TAFA1: variants seen among roughly 807,000 people sequenced by gnomAD.
TAFA1 encodes the protein chemokine-like protein TAFA-1.
TAFA1 carries 4 observed loss-of-function variants against 18.5 expected under a neutral mutation model. The ratio of observed to expected loss-of-function variants is 0.22; its 90% CI spans 0.11 to 0.49. The LOEUF (loss-of-function observed/expected upper bound fraction) is 0.49, where lower values mean the gene tolerates loss of function less well. TAFA1 is among the 20% of genes least tolerant of loss of function. TAFA1 has a pLI of 0.98. For missense variants in TAFA1, 147 were observed against 169.0 expected (o/e 0.87, Z 0.72); for synonymous variants, 56 against 55.2 (o/e 1.01, Z -0.06).
intron 2 of TAFA1, among the ~76,000 whole-genome samples, chr3:68,373,067 A>T (rs953151236): frequency 9.9e-5 from 15 of 152,212 alleles, no homozygotes; most frequent in Non-Finnish European, 1.6e-4. Flanking sequence ...CATCAGGAAG[A>T]CATAGATACT....
intron 2 of TAFA1, among the ~76,000 whole-genome samples, chr3:68,024,180 GT>G (rs1196175807): frequency 6.6e-6 from 1 of 151,960 alleles, no homozygotes; most frequent in Non-Finnish European, 1.5e-5. Context: ...GAACTGTATC[GT>G]TTCTAGTAAT....
At chr3:68,417,007 G>A (rs761639929) in intron 2 of TAFA1, among the ~76,000 whole-genome samples, 1 of 152,186 alleles carries the variant, frequency 6.6e-6, no homozygotes, top group Admixed American at 6.5e-5. Flanking sequence ...GTTAGTTGCA[G>A]GCATTCATTG....
At chr3:68,091,610 A>C (rs906044117) in intron 2 of TAFA1, among the ~76,000 whole-genome samples, 1 of 152,154 alleles carries the variant, frequency 6.6e-6, no homozygotes, top group Non-Finnish European at 1.5e-5. Context: ...TCAAGCAAGC[A>C]GATCAATGAA....
chr3:67,993,421 G>A, the TAFA1 span, among the ~76,000 whole-genome samples: 2 of 152,132 alleles, frequency 1.3e-5, no homozygotes, highest in African/African-American at 4.8e-5. Context: ...TCCCCAGTTG[G>A]CTTGTAAGTA....
chr3:68,110,024 T>C (rs1246174026), intron 2 of TAFA1, among the ~76,000 whole-genome samples: 1 of 152,212 alleles, frequency 6.6e-6, no homozygotes, highest in African/African-American at 2.4e-5. Flanking sequence ...TGTGCAGGTT[T>C]GCTACATAGG....
At chr3:68,411,545 A>G (rs1368782481) in intron 2 of TAFA1, among the ~76,000 whole-genome samples, 1 of 152,224 alleles carries the variant, frequency 6.6e-6, no homozygotes, top group Non-Finnish European at 1.5e-5. Context: ...TAATGTGTCA[A>G]TCAAATATTT....
At chr3:68,366,327 A>T (rs2069572739) in intron 2 of TAFA1, among the ~76,000 whole-genome samples, 1 of 152,160 alleles carries the variant, frequency 6.6e-6, no homozygotes, top group African/African-American at 2.4e-5. Flanking sequence ...CCAACAGAGA[A>T]TTGTCACAGG....
intron 2 of TAFA1, among the ~76,000 whole-genome samples, chr3:68,175,616 C>T (rs1450940441): frequency 6.6e-6 from 1 of 152,146 alleles, no homozygotes; most frequent in South Asian, 2.1e-4. Context: ...GTTGTATTTA[C>T]CCAACGCCTG....
chr3:68,483,301 A>ACATG (rs2072271615), intron 3 of TAFA1, among the ~76,000 whole-genome samples: 1 of 93,286 alleles, frequency 1.1e-5, no homozygotes, highest in Non-Finnish European at 2.3e-5. Context: ...TTGACCAAGT[A>ACATG]TGGTCTCTTT....
intron 2 of TAFA1, among the ~76,000 whole-genome samples, chr3:68,069,206 G>C (rs938857086): frequency 2.6e-5 from 4 of 152,252 alleles, no homozygotes; most frequent in Middle Eastern, 3.4e-3. Context: ...CCCGAGACTG[G>C]GTAATTTATA....
intron 3 of TAFA1, among the ~76,000 whole-genome samples, chr3:68,496,365 G>A (rs993969147): frequency 1.1e-4 from 17 of 152,250 alleles, no homozygotes; most frequent in Non-Finnish European, 2.1e-4. Flanking sequence ...AGACTAGGTC[G>A]TATGAAATCT....
chr3:68,286,663 T>C (rs1299050233), intron 2 of TAFA1, among the ~76,000 whole-genome samples: 2 of 152,178 alleles, frequency 1.3e-5, no homozygotes, highest in African/African-American at 4.8e-5. Flanking sequence ...GTACCTGCTA[T>C]GTAGGCACTG....
intron 2 of TAFA1, among the ~76,000 whole-genome samples, chr3:68,236,422 A>G (rs975766469): frequency 1.3e-5 from 2 of 152,242 alleles, no homozygotes; most frequent in African/African-American, 4.8e-5. Context: ...GCATTCTCAT[A>G]TAGGCCAAAA....
chr3:68,469,563 C>T (rs1194037887), intron 3 of TAFA1, among the ~76,000 whole-genome samples: 1 of 152,136 alleles, frequency 6.6e-6, no homozygotes, highest in Non-Finnish European at 1.5e-5. Context: ...GTCCCAGCTA[C>T]TCAGGAGGCT....
At chr3:68,228,350 C>T (rs1279048667) in intron 2 of TAFA1, among the ~76,000 whole-genome samples, 10 of 152,136 alleles carry the variant, frequency 6.6e-5, no homozygotes, top group Non-Finnish European at 1.5e-4. Context: ...AATTCCCGCT[C>T]AAGCTATCCT....
chr3:68,105,557 A>C (rs1316459319), intron 2 of TAFA1, among the ~76,000 whole-genome samples: 2 of 151,908 alleles, frequency 1.3e-5, no homozygotes, highest in Non-Finnish European at 2.9e-5. Flanking sequence ...AAACAACAAC[A>C]ACCATAGAAG....
intron 2 of TAFA1, among the ~76,000 whole-genome samples, chr3:68,304,085 AT>A (rs2068362054): frequency 6.6e-6 from 1 of 152,208 alleles, no homozygotes; most frequent in Non-Finnish European, 1.5e-5. Context: ...GAAATTGGAT[AT>A]TTAAATGTGG....
At chr3:68,490,090 C>T (rs1000954816) in intron 3 of TAFA1, among the ~76,000 whole-genome samples, 7 of 152,160 alleles carry the variant, frequency 4.6e-5, no homozygotes, top group African/African-American at 1.7e-4. Flanking sequence ...GTGAAAAATT[C>T]AAATTTTGGG....
intron 2 of TAFA1, among the ~76,000 whole-genome samples, chr3:68,020,507 T>G (rs1368841791): frequency 6.6e-6 from 1 of 151,792 alleles, no homozygotes; most frequent in African/African-American, 2.4e-5. Context: ...TGTTCTACAC[T>G]TGCCATATAG....
Sources: gnomAD v4.1 joint callset for allele counts (sites outside exome capture counted in the v4.1 genomes callset) on GRCh38, gnomAD v4.1.1 for gene constraint, MANE v1.5 for transcripts, NCBI Gene and HGNC (gene_info 2026-07-23, HGNC 2026-07-21) for gene names.